PLEKHA7: variants seen among roughly 807,000 people sequenced by gnomAD.
PLEKHA7 encodes the protein pleckstrin homology domain containing A7, also known as pleckstrin homology domain-containing family A member 7.
Under a neutral mutation model 170.0 loss-of-function variants are expected in PLEKHA7, and 104 were observed. The ratio of observed to expected loss-of-function variants is 0.61; its 90% confidence interval spans 0.52 to 0.72. The LOEUF is 0.72. Among genes scored for constraint, PLEKHA7 ranks in the 30% least tolerant of loss-of-function variants. The probability of loss-of-function intolerance (pLI) is 0.00; values close to 1 mark genes in which losing one functional copy is unlikely to be tolerated. For synonymous variants in PLEKHA7, 648 were observed against 660.8 expected (o/e 0.98, Z 0.30); for missense variants, 1,615 against 1,671.7 (o/e 0.97, Z 0.59).
chr11:16,876,313 G>C (rs1471235414), intron 3 of PLEKHA7, among the ~76,000 whole-genome samples: 1 of 152,254 alleles, frequency 6.6e-6, no homozygotes. Context: ...TGGTTTCAGG[G>C]GAGAACAAAA....
At chr11:16,978,201 T>C (rs1863190750) in intron 3 of PLEKHA7, among the ~76,000 whole-genome samples, 1 of 152,184 alleles carries the variant, frequency 6.6e-6, no homozygotes, top group Non-Finnish European at 1.5e-5. Context: ...GTTTCTATTT[T>C]GTAAGAGAGG....
intron 6 of PLEKHA7, among the ~76,000 whole-genome samples, chr11:16,853,871 T>C (rs574296854): frequency 2.0e-5 from 3 of 152,288 alleles, no homozygotes; most frequent in Admixed American, 6.5e-5. Flanking sequence ...AAGGGGACTT[T>C]TGGGATTTCT....
intron 8 of PLEKHA7, among the ~76,000 whole-genome samples, chr11:16,843,961 A>C (rs1485472149): frequency 5.3e-5 from 8 of 152,150 alleles, no homozygotes; most frequent in Admixed American, 5.2e-4. Flanking sequence ...AAACAAAAAA[A>C]CAGGATAAGA....
intron 3 of PLEKHA7, among the ~76,000 whole-genome samples, chr11:16,908,501 CTTTT>C (rs4030729): frequency 2.8e-5 from 4 of 145,146 alleles, no homozygotes; most frequent in Admixed American, 6.8e-5. Flanking sequence ...ATTTTTTTTT[CTTTT>C]TTTTTTTCAA....
chr11:16,794,781 G>C, intron 18 of PLEKHA7, 67 bp from the exon 19 acceptor site: 1 of 1,556,250 alleles, frequency 6.4e-7, no homozygotes, highest in Non-Finnish European at 8.9e-7. Context: ...AGGATGAGTG[G>C]AGTAATTTAG....
In PLEKHA7 at chr11:16,907,018, C is replaced by T. The variant is rs956461103; in HGVS notation, c.222-35836G>A. ...GAGACCCTCTGCCTGGCAACCGCCC[C>T]GTCTGAGAAGTGAGGAGCCCCTCTG... is the stretch of plus-strand genomic sequence containing the variant. On this transcript the variant is annotated intron_variant, in intron 3 of 26. Coordinates refer to ENST00000531066, the MANE Select transcript of PLEKHA7 (RefSeq NM_001329630.2). Among the ~76,000 whole-genome samples the T allele has an allele frequency of 1.1e-4, 16 of 148,940 alleles. No homozygotes were observed. The South Asian group carries it at 2.9e-3, about 27-fold the overall frequency.
intron 3 of PLEKHA7, among the ~76,000 whole-genome samples, chr11:16,927,088 G>A (rs1859613581): frequency 6.6e-6 from 1 of 152,062 alleles, no homozygotes; most frequent in Non-Finnish European, 1.5e-5. Context: ...CGGGGGTGGG[G>A]GCAGGGAGGG....
At chr11:16,828,279 C>T (rs553501740) in intron 9 of PLEKHA7, among the ~76,000 whole-genome samples, 2 of 152,246 alleles carry the variant, frequency 1.3e-5, no homozygotes, top group Admixed American at 6.5e-5. Flanking sequence ...ACAGTGGGTG[C>T]GTTCTCATGA....
At chr11:16,833,702 G>C (rs942515721) in intron 9 of PLEKHA7, among the ~76,000 whole-genome samples, 1 of 152,182 alleles carries the variant, frequency 6.6e-6, no homozygotes, top group African/African-American at 2.4e-5. Context: ...AGCCCAGAGA[G>C]GCTGAGGGCA....
chr11:16,856,004 T>C, intron 4 of PLEKHA7, 90 bp from the exon 5 acceptor site: 1 of 1,142,424 alleles, frequency 8.8e-7, no homozygotes, highest in Non-Finnish European at 1.3e-6. Flanking sequence ...AATCGGTTGT[T>C]GGGCCTTAGA....
In PLEKHA7 at chr11:16,787,351, G is replaced by A. The variant is rs192628270; in HGVS notation, c.3358-964C>T. ...GTCTTTGATGCCTCAAGTCCCTCCA[G>A]AACCCCAAACCCAGAGCCATATTCG... On this transcript the variant is annotated intron_variant, in intron 23 of 26. Coordinates refer to ENST00000531066, the MANE Select transcript of PLEKHA7 (RefSeq NM_001329630.2). The A allele has an allele frequency of 6.5e-4, 292 of 446,938 alleles. No homozygotes were observed. In the Middle Eastern group the frequency reaches 6.9e-3, roughly 11 times the overall value. The allele number at this position is 446,938 out of a possible 1,614,324, so 27.7% of individuals were successfully genotyped here. A position where few individuals can be genotyped will look rare whatever the true frequency, so the allele number is the denominator to read the frequency against.
chr11:17,007,634 C>T (rs1253896120), intron 3 of PLEKHA7, among the ~76,000 whole-genome samples: 5 of 146,054 alleles, frequency 3.4e-5, no homozygotes, highest in Non-Finnish European at 7.4e-5. Flanking sequence ...AGTGCAGTGG[C>T]GTGAGCTCAG....
intron 17 of PLEKHA7, among the ~76,000 whole-genome samples, chr11:16,797,220 C>T (rs991019112): frequency 3.9e-5 from 6 of 152,086 alleles, no homozygotes; most frequent in African/African-American, 1.4e-4. Context: ...CATCTCTTGA[C>T]GGGGCTGTTT....
chr11:16,917,161 G>A (rs1858742100), intron 3 of PLEKHA7, among the ~76,000 whole-genome samples: 1 of 152,132 alleles, frequency 6.6e-6, no homozygotes, highest in South Asian at 2.1e-4. Flanking sequence ...GGAATTTGCA[G>A]TGAGCCAAAT....
At chr11:16,973,884 T>C (rs1862880789) in intron 3 of PLEKHA7, among the ~76,000 whole-genome samples, 1 of 152,166 alleles carries the variant, frequency 6.6e-6, no homozygotes, top group Non-Finnish European at 1.5e-5. Flanking sequence ...ACTTCCTCCC[T>C]GTGGACCAGC....
intron 3 of PLEKHA7, among the ~76,000 whole-genome samples, chr11:16,960,296 G>A (rs553392597): frequency 6.6e-6 from 1 of 152,274 alleles, no homozygotes; most frequent in Non-Finnish European, 1.5e-5. Flanking sequence ...ACATGCTACT[G>A]TTCCCAAGTG....
intron 3 of PLEKHA7, among the ~76,000 whole-genome samples, chr11:16,986,033 G>A (rs547939400): frequency 9.8e-5 from 15 of 152,354 alleles, no homozygotes; most frequent in African/African-American, 3.6e-4. Flanking sequence ...GAATTACCTG[G>A]ATGGAAGGGG....
At chr11:16,854,864 G>T in intron 6 of PLEKHA7, 25 bp downstream of exon 6, 2 of 1,597,896 alleles carry the variant, frequency 1.3e-6, no homozygotes, top group Non-Finnish European at 1.7e-6. Context: ...TTTCCTCCAG[G>T]ATTCTCACTC....
intron 13 of PLEKHA7, among the ~76,000 whole-genome samples, chr11:16,808,706 C>A (rs1291271660): frequency 3.9e-5 from 6 of 152,188 alleles, no homozygotes; most frequent in Non-Finnish European, 7.3e-5. Flanking sequence ...GTACCCTCAT[C>A]TTCCTGGCTG....
Sources: gnomAD v4.1 joint callset for allele counts (sites outside exome capture counted in the v4.1 genomes callset) on GRCh38, gnomAD v4.1.1 for gene constraint, MANE v1.5 for transcripts, NCBI Gene and HGNC (gene_info 2026-07-23, HGNC 2026-07-21) for gene names.